ELFN1: variants seen among roughly 807,000 people sequenced by gnomAD.
ELFN1 encodes extracellular leucine rich repeat and fibronectin type III domain containing 1.
ELFN1 carries 6 observed loss-of-function variants against 7.6 expected under a neutral mutation model. The observed-to-expected ratio is 0.79, with a 90% confidence interval of 0.43 to 1.56. The LOEUF (loss-of-function observed/expected upper bound fraction) is 1.56. ELFN1 is among the 40% of genes most tolerant of loss of function. ELFN1 has a pLI of 0.01. For missense variants in ELFN1, 1,169 were observed against 1,232.2 expected (o/e 0.95, Z 0.77); for synonymous variants, 657 against 588.1 (o/e 1.12, Z -1.70).
At chr7:1,681,250 T>C (rs1778970241) in intron 1 of ELFN1, among the ~76,000 whole-genome samples, 1 of 152,380 alleles carries the variant, frequency 6.6e-6, no homozygotes, top group East Asian at 1.9e-4. Context: ...CCAAAACACA[T>C]GCAGAGCATG....
rs1780422910 is a variant in ELFN1 at position 1,735,620 on chromosome 7, G to A, written c.-293-8684G>A. 6.6e-6 allele frequency among the ~76,000 whole-genome samples: 1 copy of A among 152,124 alleles called. No individual in the cohort carries two copies. Among genetic ancestry groups the A allele is most frequent in the Non-Finnish European group, 1.5e-5 (1 of 67,996 alleles). ...GCGGAAGAGAGGACTGGGTCTGGGG[G>A]AGCCATGAGGGAGCCCCCAGAGCTG... On this transcript the variant is annotated intron_variant, in intron 3 of 3. Transcript: ENST00000424383. The surrounding 1 kb of genome is among the most constrained non-coding windows in gnomAD (Gnocchi z 5.9).
At chr7:1,738,234 G>A (rs768170218) in intron 3 of ELFN1, among the ~76,000 whole-genome samples, 14 of 152,192 alleles carry the variant, frequency 9.2e-5, no homozygotes, top group Non-Finnish European at 1.6e-4. Flanking sequence ...GCCCAGGGCC[G>A]GGCACGTGGA....
At chr7:1,703,059 GT>G (rs1779460967) in intron 2 of ELFN1, among the ~76,000 whole-genome samples, 2 of 152,190 alleles carry the variant, frequency 1.3e-5, no homozygotes, top group Non-Finnish European at 2.9e-5. Context: ...TTAGTTTGGT[GT>G]TTTTGTTTTT....
intron 2 of ELFN1, chr7:1,693,742 C>T (rs1562362440): frequency 2.1e-6 from 1 of 471,048 alleles, no homozygotes; most frequent in Non-Finnish European, 4.4e-6. Flanking sequence ...CCCATGGCAA[C>T]CCCAGAGCAG....
intron 2 of ELFN1, among the ~76,000 whole-genome samples, chr7:1,689,238 T>C (rs987453008): frequency 6.6e-6 from 1 of 152,242 alleles, no homozygotes; most frequent in Non-Finnish European, 1.5e-5. Context: ...CTCAGCATAC[T>C]GTATGTAGTG....
upstream of ELFN1, among the ~76,000 whole-genome samples, chr7:1,666,853 C>T (rs1176543669): frequency 2.6e-5 from 4 of 151,808 alleles, no homozygotes; most frequent in Non-Finnish European, 5.9e-5. The surrounding 1 kb of genome is among the most constrained non-coding windows in gnomAD (Gnocchi z 7.9). Context: ...TGTTACGGGA[C>T]CCCCGCCCCC....
intron 3 of ELFN1, among the ~76,000 whole-genome samples, chr7:1,719,444 C>A (rs1779948937): frequency 6.6e-6 from 1 of 152,220 alleles, no homozygotes; most frequent in Non-Finnish European, 1.5e-5. Context: ...GGCTAGGCAG[C>A]CCCGTCTAAT....
chr7:1,716,672 C>T (rs534631728), intron 3 of ELFN1, among the ~76,000 whole-genome samples: 4 of 152,316 alleles, frequency 2.6e-5, no homozygotes, highest in African/African-American at 9.6e-5. Flanking sequence ...CATAGCTGTC[C>T]CCTCCCCCTG....
chr7:1,696,162 G>C (rs1393978327), intron 2 of ELFN1, among the ~76,000 whole-genome samples: 2 of 149,562 alleles, frequency 1.3e-5, no homozygotes, highest in Non-Finnish European at 3.0e-5. Context: ...TCCCAAGACA[G>C]AGAGAGAGAG....
intron 2 of ELFN1, among the ~76,000 whole-genome samples, chr7:1,691,196 T>C (rs1337436806): frequency 1.3e-5 from 2 of 152,176 alleles, no homozygotes; most frequent in Non-Finnish European, 2.9e-5. Context: ...TCTCCACTGC[T>C]TCACATCTGC....
chr7:1,693,708 G>A (rs576644378), intron 2 of ELFN1: 137 of 470,732 alleles, frequency 2.9e-4, no homozygotes, highest in Non-Finnish European at 4.4e-4. Context: ...AGCTGTGTGC[G>A]CCACACTCAC....
chr7:1,737,177 G>A (rs1047673024), intron 3 of ELFN1, among the ~76,000 whole-genome samples: 12 of 152,122 alleles, frequency 7.9e-5, no homozygotes, highest in East Asian at 1.9e-4. Flanking sequence ...CCCTTCGAGC[G>A]CAGCTCCTGC....
chr7:1,745,265 G>A lies in ELFN1; in HGVS notation c.669G>A (p.Pro223=), dbSNP rs558751879. 1.2e-5 allele frequency: 18 copies of A among 1,538,870 alleles called. No homozygotes were observed. Among genetic ancestry groups the A allele is most frequent in the Admixed American group, 3.9e-5 (2 of 51,010 alleles). ...ACGACCGCATGCAGTGCGAGTCGCC[G>A]CCCGTCTACTCCGGCTACTACCTCC... ...QTYDRMQCES[P]PVYSGYYLLG... is the part of the protein sequence containing the mutation. The change falls in exon 4 of 4, where the codon CCG becomes CCA. Residue 223 remains proline (P), a synonymous_variant. Coordinates refer to ENST00000424383, the MANE Select transcript of ELFN1 (RefSeq NM_001128636.4).
At chr7:1,671,567 T>G (rs1778767871) in intron 1 of ELFN1, among the ~76,000 whole-genome samples, 1 of 152,156 alleles carries the variant, frequency 6.6e-6, no homozygotes, top group Non-Finnish European at 1.5e-5. Context: ...CCATATTGCC[T>G]CTCTCAGGGG....
At chr7:1,726,060 C>T (rs187768591) in intron 3 of ELFN1, among the ~76,000 whole-genome samples, 17 of 150,490 alleles carry the variant, frequency 1.1e-4, no homozygotes, top group African/African-American at 3.9e-4. Flanking sequence ...ACACACAATA[C>T]ACACACACAC....
At chr7:1,677,752 T>C (rs1269020351) in intron 1 of ELFN1, among the ~76,000 whole-genome samples, 1 of 152,170 alleles carries the variant, frequency 6.6e-6, no homozygotes, top group South Asian at 2.1e-4. Flanking sequence ...GGTTAGGTTC[T>C]GTAAAATGAA....
chr7:1,697,338 T>C (rs1175048049), intron 2 of ELFN1, among the ~76,000 whole-genome samples: 1 of 152,210 alleles, frequency 6.6e-6, no homozygotes, highest in Admixed American at 6.5e-5. Flanking sequence ...GTCGCGCCCC[T>C]GCCCCCTCCT....
intron 3 of ELFN1, among the ~76,000 whole-genome samples, chr7:1,733,596 C>T (rs567999947): frequency 3.2e-4 from 48 of 152,102 alleles, no homozygotes; most frequent in Non-Finnish European, 5.4e-4. Context: ...CTGGGGCGGC[C>T]GCATCCCAGC....
intron 3 of ELFN1, among the ~76,000 whole-genome samples, chr7:1,732,474 C>T (rs1441741267): frequency 6.6e-6 from 1 of 152,024 alleles, no homozygotes; most frequent in Non-Finnish European, 1.5e-5. Context: ...AGATGGAGCA[C>T]CAGAAATCAG....
Sources: allele counts gnomAD v4.1 joint callset (sites outside exome capture counted in the v4.1 genomes callset), GRCh38; gene constraint gnomAD v4.1.1; non-coding constraint Gnocchi (gnomAD v3.1); transcripts MANE v1.5; gene names NCBI Gene and HGNC (gene_info 2026-07-23, HGNC 2026-07-21).